TMTC1: variants seen among roughly 807,000 people sequenced by gnomAD.
The protein encoded by TMTC1 is protein O-mannosyl-transferase TMTC1.
A neutral mutation model predicts 104.8 loss-of-function variants in TMTC1; 73 were observed. The observed-to-expected ratio is 0.70, with a 90% CI of 0.58 to 0.85. TMTC1 has a LOEUF of 0.85. Among genes scored for constraint, TMTC1 ranks in the 40% least tolerant of loss-of-function variants. The pLI is 0.00. For synonymous variants in TMTC1, 434 were observed against 428.7 expected, an observed-to-expected ratio of 1.01 and a Z score of -0.15; for missense variants, 1,035 against 1,096.1, an observed-to-expected ratio of 0.94 and a Z score of 0.79.
At chr12:29,615,137 C>G (rs1946944648) in intron 6 of TMTC1, among the ~76,000 whole-genome samples, 1 of 152,198 alleles carries the variant, frequency 6.6e-6, no homozygotes, top group Admixed American at 6.6e-5. Context: ...TTGCCAGGTT[C>G]TTTTGTAAAT....
intron 2 of TMTC1, among the ~76,000 whole-genome samples, chr12:29,762,369 T>TC (rs201101289): frequency 7.9e-5 from 12 of 152,280 alleles, no homozygotes; most frequent in African/African-American, 2.4e-4. Flanking sequence ...CACTTCTTTC[T>TC]CCCCCTTTCT....
chr12:29,531,932 T>C (rs1041771136), intron 11 of TMTC1, among the ~76,000 whole-genome samples: 2 of 152,176 alleles, frequency 1.3e-5, no homozygotes, highest in Non-Finnish European at 2.9e-5. Flanking sequence ...TGTCATCTAA[T>C]GCAAGAGTGG....
At chr12:29,571,891 G>A (rs917961043) in intron 9 of TMTC1, among the ~76,000 whole-genome samples, 2 of 152,144 alleles carry the variant, frequency 1.3e-5, no homozygotes, top group African/African-American at 2.4e-5. Context: ...AAGAAAACAC[G>A]CAAGACTTAC....
chr12:29,591,978 T>C (rs1946295072), intron 7 of TMTC1, among the ~76,000 whole-genome samples: 1 of 152,178 alleles, frequency 6.6e-6, no homozygotes, highest in African/African-American at 2.4e-5. Flanking sequence ...AGTGGAAAGA[T>C]GACAGCTTTC....
chr12:29,546,563 C>T (rs897348452), intron 10 of TMTC1, among the ~76,000 whole-genome samples: 1 of 152,092 alleles, frequency 6.6e-6, no homozygotes, highest in African/African-American at 2.4e-5. Flanking sequence ...CTACACAGAG[C>T]ATTTTTAGAT....
rs181087999 is a variant in TMTC1, at chr12:29,729,167, G to A, written c.938+22499C>T. On this transcript the variant is annotated intron_variant, in intron 5 of 17. Coordinates refer to ENST00000539277, the MANE Select transcript of TMTC1 (RefSeq NM_001193451.2). ...ACTCTCCGTCTCTCAGCTTCCCTCTGTAAAATCATCACAATAACCTATCTT... is the reference window on the plus strand; with the variant it reads ...ACTCTCCGTCTCTCAGCTTCCCTCTATAAAATCATCACAATAACCTATCTT... Among the ~76,000 whole-genome samples the A allele has an allele frequency of 4.3e-4, 65 of 151,736 alleles. 2 individuals are homozygous for A. The East Asian group carries it at 0.01, about 24-fold the overall frequency.
At position 29,577,764 on chromosome 12, in the gene TMTC1, T is replaced by G. The variant is rs142841874; in HGVS notation, c.1419-5546A>C. ...AACACTATCTTTCATTTATGATACC[T>G]TTATGGTTTATAAAATATCCTTATT... On this transcript the variant is annotated intron_variant, in intron 8 of 17. Coordinates refer to ENST00000539277, the MANE Select transcript of TMTC1 (RefSeq NM_001193451.2). Among the ~76,000 whole-genome samples the G allele has an allele frequency of 6.9e-4, 105 of 152,278 alleles. No homozygotes were observed. In the East Asian group the frequency reaches 0.018, roughly 26 times the overall value.
At chr12:29,630,547 T>C (rs1938245175) in intron 6 of TMTC1, among the ~76,000 whole-genome samples, 1 of 152,148 alleles carries the variant, frequency 6.6e-6, no homozygotes, top group East Asian at 1.9e-4. Context: ...TAGCATACAG[T>C]CTTACATGTC....
At chr12:29,637,033 C>T (rs1209983575) in intron 5 of TMTC1, among the ~76,000 whole-genome samples, 3 of 150,528 alleles carry the variant, frequency 2.0e-5, no homozygotes, top group African/African-American at 7.3e-5. Flanking sequence ...GCACTGCAGC[C>T]TAGAGCAATA....
intron 5 of TMTC1, among the ~76,000 whole-genome samples, chr12:29,681,210 G>C (rs1940908700): frequency 6.6e-6 from 1 of 152,004 alleles, no homozygotes; most frequent in East Asian, 1.9e-4. Context: ...GACCAAGGTG[G>C]AATATTTGAA....
At chr12:29,647,937 A>C (rs1191939504) in intron 5 of TMTC1, among the ~76,000 whole-genome samples, 2 of 152,174 alleles carry the variant, frequency 1.3e-5, no homozygotes, top group Non-Finnish European at 1.5e-5. Context: ...GTAAGACAAA[A>C]CCAATTTCTA....
At chr12:29,779,266 C>T (rs1943780145) in intron 1 of TMTC1, among the ~76,000 whole-genome samples, 1 of 152,236 alleles carries the variant, frequency 6.6e-6, no homozygotes, top group East Asian at 1.9e-4. Context: ...ACTTCACTTT[C>T]ACCTTCCAAA....
intron 5 of TMTC1, among the ~76,000 whole-genome samples, chr12:29,707,858 C>T (rs1271856837): frequency 6.6e-6 from 1 of 152,214 alleles, no homozygotes; most frequent in African/African-American, 2.4e-5. Context: ...TCCTCTCTCC[C>T]GCTTTTCTAC....
chr12:29,751,581 G>T, intron 5 of TMTC1, 85 bp downstream of exon 5: 1 of 1,428,170 alleles, frequency 7.0e-7, no homozygotes. Flanking sequence ...CTGACTCAGT[G>T]CTTCACTTCC....
At chr12:29,652,273 A>G (rs1256595547) in intron 5 of TMTC1, among the ~76,000 whole-genome samples, 1 of 152,186 alleles carries the variant, frequency 6.6e-6, no homozygotes, top group Non-Finnish European at 1.5e-5. Context: ...GGCAATGAAC[A>G]CTCAAGAACG....
intron 5 of TMTC1, among the ~76,000 whole-genome samples, chr12:29,713,340 C>G (rs1272554620): frequency 1.6e-5 from 2 of 125,346 alleles, no homozygotes; most frequent in African/African-American, 5.9e-5. Flanking sequence ...CACACACACA[C>G]AGGGAGAGAG....
chr12:29,576,787 T>C (rs181865806), intron 8 of TMTC1, among the ~76,000 whole-genome samples: 308 of 152,230 alleles, frequency 2.0e-3, no homozygotes, highest in African/African-American at 7.0e-3. Flanking sequence ...GTGCCCTTAC[T>C]ATTAATACAA....
At chr12:29,775,238 T>C (rs1381601780) in intron 1 of TMTC1, among the ~76,000 whole-genome samples, 1 of 152,104 alleles carries the variant, frequency 6.6e-6, no homozygotes, top group Non-Finnish European at 1.5e-5. Flanking sequence ...TTTAAATGTG[T>C]GTTTGGTGTT....
intron 5 of TMTC1, among the ~76,000 whole-genome samples, chr12:29,635,113 G>T (rs1473593580): frequency 6.6e-6 from 1 of 151,990 alleles, no homozygotes; most frequent in Admixed American, 6.6e-5. Context: ...TTAACTAAAA[G>T]GTAATATACA....
Sources: allele counts gnomAD v4.1 joint callset (sites outside exome capture counted in the v4.1 genomes callset), GRCh38; gene constraint gnomAD v4.1.1; transcripts MANE v1.5; gene names NCBI Gene and HGNC (gene_info 2026-07-23, HGNC 2026-07-21).